The following CACNA2D3 variants were observed in gnomAD, a reference collection of about 807,000 sequenced individuals.
CACNA2D3 encodes the protein voltage-dependent calcium channel subunit alpha-2/delta-3.
Under a neutral mutation model 160.6 loss-of-function variants are expected in CACNA2D3, and 60 were observed. That is an observed-to-expected ratio of 0.37 (90% CI 0.30 to 0.46). CACNA2D3 has a LOEUF of 0.46. Among genes scored for constraint, CACNA2D3 ranks in the 20% least tolerant of loss-of-function variants. The pLI is 1.00. For synonymous variants in CACNA2D3, 558 were observed against 492.9 expected (o/e 1.13, Z -1.75); for missense variants, 1,205 against 1,365.0 (o/e 0.88, Z 1.85).
intron 11 of CACNA2D3, among the ~76,000 whole-genome samples, chr3:54,732,300 G>T (rs1463451511): frequency 1.3e-5 from 2 of 152,226 alleles, no homozygotes; most frequent in Non-Finnish European, 2.9e-5. Context: ...TACAACTTGT[G>T]ATCCTTGTTG....
At chr3:54,258,339 G>A (rs569381384) in intron 2 of CACNA2D3, among the ~76,000 whole-genome samples, 1 of 152,310 alleles carries the variant, frequency 6.6e-6, no homozygotes, top group East Asian at 1.9e-4. Flanking sequence ...TTTAGGTCCT[G>A]GGGGTGACCC....
chr3:54,243,275 T>G (rs1702007849), intron 2 of CACNA2D3, among the ~76,000 whole-genome samples: 1 of 152,200 alleles, frequency 6.6e-6, no homozygotes, highest in African/African-American at 2.4e-5. Context: ...GTCAAATGTT[T>G]GCGAAACGGC....
intron 3 of CACNA2D3, among the ~76,000 whole-genome samples, chr3:54,342,864 G>A (rs1267603744): frequency 6.6e-6 from 1 of 152,218 alleles, no homozygotes; most frequent in African/African-American, 2.4e-5. Flanking sequence ...CTCGGGCTGT[G>A]CGGGGCTTGG....
chr3:54,907,771 T>C (rs990321192), intron 27 of CACNA2D3, among the ~76,000 whole-genome samples: 2 of 152,204 alleles, frequency 1.3e-5, no homozygotes, highest in Admixed American at 1.3e-4. Context: ...ACTCGTGTGC[T>C]TTCTCTATGG....
At chr3:54,820,785 A>G (rs1703572577) in intron 14 of CACNA2D3, among the ~76,000 whole-genome samples, 1 of 152,172 alleles carries the variant, frequency 6.6e-6, no homozygotes, top group African/African-American at 2.4e-5. Flanking sequence ...GAAGTGTCCG[A>G]GAGATCTGAT....
chr3:54,605,944 T>C (rs1427736491), intron 9 of CACNA2D3, among the ~76,000 whole-genome samples: 2 of 152,220 alleles, frequency 1.3e-5, no homozygotes, highest in Non-Finnish European at 2.9e-5. Flanking sequence ...CAGATTATGG[T>C]GCAGACTCCT....
intron 4 of CACNA2D3, among the ~76,000 whole-genome samples, chr3:54,454,618 C>G (rs1227590103): frequency 6.6e-6 from 1 of 151,944 alleles, no homozygotes; most frequent in Non-Finnish European, 1.5e-5. Flanking sequence ...GTTCAAAATC[C>G]TCTCTTCCAG....
At chr3:54,180,840 C>T (rs2107322628) in intron 2 of CACNA2D3, among the ~76,000 whole-genome samples, 1 of 152,330 alleles carries the variant, frequency 6.6e-6, no homozygotes, top group South Asian at 2.1e-4. Flanking sequence ...CTCAACCTTC[C>T]ACCCTGGGCA....
intron 31 of CACNA2D3, among the ~76,000 whole-genome samples, chr3:54,991,118 GGCTTTCC>G (rs1220830069): frequency 6.6e-6 from 1 of 152,112 alleles, no homozygotes; most frequent in Non-Finnish European, 1.5e-5. Flanking sequence ...CCTCTTTGCA[GGCTTTCC>G]AGTAACTCTG....
intron 27 of CACNA2D3, chr3:54,918,433 A>G (rs1700726505): frequency 1.2e-6 from 2 of 1,602,994 alleles, no homozygotes; most frequent in Non-Finnish European, 1.7e-6. Context: ...GCCTGCAATG[A>G]CCAATCCTAT....
chr3:54,967,030 G>A (rs1237931622), intron 27 of CACNA2D3: 1 of 152,272 alleles, frequency 6.6e-6, no homozygotes, highest in East Asian at 1.9e-4. Context: ...AGAGAACGAA[G>A]GACACTTAAG....
intron 3 of CACNA2D3, among the ~76,000 whole-genome samples, chr3:54,377,614 T>G (rs1699033181): frequency 6.6e-6 from 1 of 152,226 alleles, no homozygotes; most frequent in Non-Finnish European, 1.5e-5. Flanking sequence ...TTTTATTATT[T>G]GTGTTCATCA....
At chr3:54,830,473 G>C (rs1417445689) in intron 14 of CACNA2D3, among the ~76,000 whole-genome samples, 4 of 147,810 alleles carry the variant, frequency 2.7e-5, no homozygotes, top group Non-Finnish European at 5.9e-5. Context: ...TTTTGAGATG[G>C]AGTCTTACTC....
chr3:54,896,620 A>G lies in CACNA2D3; in HGVS notation c.2247-129A>G, dbSNP rs1384318088. 1.4e-5 allele frequency: 15 copies of G among 1,070,034 alleles called. No homozygotes were observed. The East Asian group carries it at 1.7e-4, about 12-fold the overall frequency. The allele number at this position is 1,070,034 out of a possible 1,614,324, so 66.3% of individuals were successfully genotyped here. A position where few individuals can be genotyped will look rare whatever the true frequency, so the allele number is the denominator to read the frequency against. ...CAGTGTTAAGTGAGGCCCCCTCTAT[A>G]CTGAGAAAGGCAAGTTGGGGTTCTA... is the stretch of plus-strand genomic sequence containing the variant. On this transcript the variant is annotated intron_variant, in intron 25 of 37. Coordinates refer to ENST00000474759, the MANE Select transcript of CACNA2D3 (RefSeq NM_018398.3).
chr3:54,729,146 C>G (rs1465521898), intron 11 of CACNA2D3, among the ~76,000 whole-genome samples: 1 of 152,102 alleles, frequency 6.6e-6, no homozygotes, highest in Non-Finnish European at 1.5e-5. Flanking sequence ...ATCTCTAACT[C>G]CTGGCCTCAT....
At chr3:55,004,659 C>T in intron 31 of CACNA2D3, 104 bp from the exon 32 acceptor site, 1 of 738,960 alleles carries the variant, frequency 1.4e-6, no homozygotes, top group Non-Finnish European at 2.4e-6. Flanking sequence ...GTGTTTGTCA[C>T]CGTTGCACTT....
intron 9 of CACNA2D3, among the ~76,000 whole-genome samples, chr3:54,586,441 A>G (rs949929695): frequency 1.3e-5 from 2 of 152,246 alleles, no homozygotes; most frequent in African/African-American, 4.8e-5. Flanking sequence ...GGGATATTTC[A>G]TAATGATAAA....
intron 2 of CACNA2D3, among the ~76,000 whole-genome samples, chr3:54,195,385 T>C (rs114755487): frequency 0.012 from 1,773 of 152,340 alleles, 34 homozygotes; most frequent in African/African-American, 0.041. Flanking sequence ...CCTTTACACC[T>C]GGCTACTCTG....
chr3:54,281,382 G>C (rs191884273), intron 2 of CACNA2D3, among the ~76,000 whole-genome samples: 5 of 152,246 alleles, frequency 3.3e-5, no homozygotes, highest in Admixed American at 2.6e-4. Context: ...AAGGCTACCT[G>C]CCTGTGTCAG....
Sources: gnomAD v4.1 joint callset for allele counts (sites outside exome capture counted in the v4.1 genomes callset) on GRCh38, gnomAD v4.1.1 for gene constraint, MANE v1.5 for transcripts, NCBI Gene and HGNC (gene_info 2026-07-23, HGNC 2026-07-21) for gene names.